Variants in AGPAT4 observed in about 807,000 individuals in gnomAD.
AGPAT4 encodes the protein 1-acylglycerol-3-phosphate O-acyltransferase 4.
Under a neutral mutation model 48.0 loss-of-function variants are expected in AGPAT4, and 15 were observed. The observed-to-expected ratio is 0.31, with a 90% CI of 0.21 to 0.48. AGPAT4 has a LOEUF of 0.48. Among genes scored for constraint, AGPAT4 ranks in the 20% least tolerant of loss-of-function variants. The probability of loss-of-function intolerance (pLI) is 0.99; values close to 1 mark genes in which losing one functional copy is unlikely to be tolerated. For missense variants in AGPAT4, 314 were observed against 482.5 expected (o/e 0.65, Z 3.27); for synonymous variants, 178 against 198.7 (o/e 0.90, Z 0.88).
In AGPAT4 at chr6:161,200,200, A is replaced by C. The variant is rs977003341; in HGVS notation, c.178+31836T>G. The stretch of plus-strand genomic sequence containing the variant: ...TTCAGCCCGGTCCCCATGAGAAAAA[A>C]TGTCAAATTGTACATCACTTCTATG... On this transcript the variant is annotated intron_variant, in intron 2 of 8. Coordinates refer to ENST00000320285, the MANE Select transcript of AGPAT4 (RefSeq NM_020133.3). The surrounding 1 kb of genome is among the most constrained non-coding windows in gnomAD (Gnocchi z 5.5). Among the ~76,000 whole-genome samples the C allele has an allele frequency of 3.3e-5, 5 of 152,244 alleles. No individual in the cohort carries two copies. The highest frequency in any genetic ancestry group is 1.2e-4 in the African/African-American group (5 of 41,468).
intron 2 of AGPAT4, among the ~76,000 whole-genome samples, chr6:161,194,913 T>G (rs1202419071): frequency 6.6e-6 from 1 of 152,184 alleles, no homozygotes; most frequent in Non-Finnish European, 1.5e-5. Flanking sequence ...ACTTAGCTTT[T>G]AAAGAGGAAC....
intron 5 of AGPAT4, among the ~76,000 whole-genome samples, chr6:161,151,007 G>C (rs1205127100): frequency 6.6e-6 from 1 of 152,192 alleles, no homozygotes; most frequent in Non-Finnish European, 1.5e-5. Context: ...GTTCCCCAAA[G>C]AGCCACCTAA....
At chr6:161,167,342 C>T (rs1434398303) in intron 2 of AGPAT4, among the ~76,000 whole-genome samples, 1 of 152,194 alleles carries the variant, frequency 6.6e-6, no homozygotes, top group African/African-American at 2.4e-5. Flanking sequence ...CCTCCTACCT[C>T]AGCCTCCTGA....
chr6:161,181,206 G>A (rs1421340096), intron 2 of AGPAT4, among the ~76,000 whole-genome samples: 12 of 152,172 alleles, frequency 7.9e-5, no homozygotes, highest in African/African-American at 2.9e-4. Flanking sequence ...CGCTGTGAAG[G>A]GGAACAGTAT....
chr6:161,138,491 G>A lies in AGPAT4; in HGVS notation c.1042+931C>T, dbSNP rs1280978622. 6.6e-6 allele frequency among the ~76,000 whole-genome samples: 1 copy of A among 152,152 alleles called. No homozygotes were observed. Among genetic ancestry groups the A allele is most frequent in the Non-Finnish European group, 1.5e-5 (1 of 68,028 alleles). ...ATAGATGCACATATGCTTGAGACTG[G>A]AACCACCACGTGCATCAAATTGTCA... On this transcript the variant is annotated intron_variant, in intron 8 of 8. Coordinates refer to ENST00000320285, the MANE Select transcript of AGPAT4 (RefSeq NM_020133.3). This position sits in a 1 kb window ranked among gnomAD's most constrained non-coding sequence, Gnocchi z 4.8.
rs535896188 is a variant in AGPAT4, at chr6:161,266,560, A to G, written c.-90+7378T>C. On this transcript the variant is annotated intron_variant, in intron 1 of 8. Coordinates refer to ENST00000320285, the MANE Select transcript of AGPAT4 (RefSeq NM_020133.3). The surrounding 1 kb of genome is among the most constrained non-coding windows in gnomAD (Gnocchi z 6.2). ...TCAGGAAAGCAGAGGCTGGAGGCAG[A>G]TGCTAGAAATGGACTCACAGGCATA... Among the ~76,000 whole-genome samples the G allele has an allele frequency of 6.6e-6, 1 of 152,292 alleles. No individual in the cohort carries two copies. Among genetic ancestry groups the G allele is most frequent in the East Asian group, 1.9e-4 (1 of 5,180 alleles).
rs775054180 is a variant in AGPAT4 at position 161,214,608 on chromosome 6, G to A, written c.178+17428C>T. ...TGGTGAAACCCCGTCTCTACTAAAA[G>A]ATACAAAAAAATTAGCTGGGCATGG... On this transcript the variant is annotated intron_variant, in intron 2 of 8. Transcript: ENST00000320285. The surrounding 1 kb of genome is among the most constrained non-coding windows in gnomAD (Gnocchi z 5.4). Among the ~76,000 whole-genome samples, 7 of 151,788 alleles carry A rather than the reference G, an allele frequency of 4.6e-5. No homozygotes were observed. Among genetic ancestry groups the A allele is most frequent in the Non-Finnish European group, 8.8e-5 (6 of 67,888 alleles).
intron 2 of AGPAT4, among the ~76,000 whole-genome samples, chr6:161,186,550 TTGA>T (rs1487234015): frequency 1.3e-5 from 2 of 152,086 alleles, no homozygotes; most frequent in African/African-American, 4.8e-5. Context: ...TCCTTACCTC[TTGA>T]TGACCTTCTA....
chr6:161,267,737 A>G lies in AGPAT4; in HGVS notation c.-90+6201T>C, dbSNP rs997366276. Among the ~76,000 whole-genome samples the G allele has an allele frequency of 1.3e-5, 2 of 152,056 alleles. No homozygotes were observed. Among genetic ancestry groups the G allele is most frequent in the African/African-American group, 4.8e-5 (2 of 41,394 alleles). On this transcript the variant is annotated intron_variant, in intron 1 of 8. Transcript: ENST00000320285. The surrounding 1 kb of genome is among the most constrained non-coding windows in gnomAD (Gnocchi z 5.2). The stretch of plus-strand genomic sequence containing the variant: ...AACTCTGTCTCAAAAAAAAAAAGAA[A>G]AGAAAAATATTAGCTGGGCATGTTA...
At chr6:161,182,859 G>A (rs1017525300) in intron 2 of AGPAT4, among the ~76,000 whole-genome samples, 18 of 152,342 alleles carry the variant, frequency 1.2e-4, no homozygotes, top group South Asian at 6.2e-4. Context: ...GCACATGGAC[G>A]CGGAGTGGAC....
At chr6:161,205,059 G>A (rs1034850544) in intron 2 of AGPAT4, among the ~76,000 whole-genome samples, 1 of 152,186 alleles carries the variant, frequency 6.6e-6, no homozygotes, top group African/African-American at 2.4e-5. Context: ...GTGTCGATCT[G>A]CAGGCACTCT....
rs1214881547 is a variant in AGPAT4, at chr6:161,201,047, C to G, written c.178+30989G>C. ...CATCATCTTGCTCTCTAGCCTGCCA[C>G]CACGATTACAGCTCAGCCGAGGAAG... On this transcript the variant is annotated intron_variant, in intron 2 of 8. Transcript: ENST00000320285. This position sits in a 1 kb window ranked among gnomAD's most constrained non-coding sequence, Gnocchi z 6.0. 6.6e-6 allele frequency among the ~76,000 whole-genome samples: 1 copy of G among 152,186 alleles called. No homozygotes were observed. Among genetic ancestry groups the G allele is most frequent in the Non-Finnish European group, 1.5e-5 (1 of 68,052 alleles).
Position 161,226,138 on chromosome 6 carries a change from G to A in AGPAT4, c.178+5898C>T, listed in dbSNP as rs1781975522. Among the ~76,000 whole-genome samples the A allele has an allele frequency of 6.6e-6, 1 of 152,166 alleles. No homozygotes were observed. Among genetic ancestry groups the A allele is most frequent in the African/African-American group, 2.4e-5 (1 of 41,424 alleles). The stretch of plus-strand genomic sequence containing the variant: ...AATTTGAGGCTGTGTCCTCCCAGCA[G>A]AGGTAGCCAGTAGGTCCTGCCCAAC... On this transcript the variant is annotated intron_variant, in intron 2 of 8. Transcript: ENST00000320285. The surrounding 1 kb of genome is among the most constrained non-coding windows in gnomAD (Gnocchi z 6.3).
rs887827198 is a variant in AGPAT4 at position 161,267,539 on chromosome 6, C to A, written c.-90+6399G>T. Among the ~76,000 whole-genome samples the A allele has an allele frequency of 1.3e-5, 2 of 152,020 alleles. No homozygotes were observed. The highest frequency in any genetic ancestry group is 2.1e-4 in the South Asian group (1 of 4,824). On this transcript the variant is annotated intron_variant, in intron 1 of 8. Transcript: ENST00000320285. This position sits in a 1 kb window ranked among gnomAD's most constrained non-coding sequence, Gnocchi z 5.2. ...GACCAGCCTGGCCAACATGGGGAAA[C>A]CCTGTCTCTACTAAAAATACACACG...
At chr6:161,179,743 T>C (rs1015063295) in intron 2 of AGPAT4, among the ~76,000 whole-genome samples, 1 of 152,220 alleles carries the variant, frequency 6.6e-6, no homozygotes, top group Non-Finnish European at 1.5e-5. Context: ...CTTCCACTTA[T>C]GAATAGTACA....
rs1779442764 is a variant in AGPAT4 at position 161,146,705 on chromosome 6, A to G, written c.768-106T>C. The G allele has an allele frequency of 1.0e-6, 1 of 988,264 alleles. No homozygotes were observed. Among genetic ancestry groups the G allele is most frequent in the Admixed American group, 2.0e-5 (1 of 50,160 alleles). 61.2% of individuals were successfully genotyped at this position (988,264 alleles called of 1,614,324 possible). A position where few individuals can be genotyped will look rare whatever the true frequency, so the allele number is the denominator to read the frequency against. On this transcript the variant is annotated intron_variant, in intron 6 of 8. Transcript: ENST00000320285. The surrounding 1 kb of genome is among the most constrained non-coding windows in gnomAD (Gnocchi z 7.1). ...TTTTGTTTTTATCTGGGTCACCTAA[A>G]TAATGTGGAACTGAAGAGAGTAATG...
rs1446733124 is a variant in AGPAT4 at position 161,216,700 on chromosome 6, G to A, written c.178+15336C>T. On this transcript the variant is annotated intron_variant, in intron 2 of 8. Coordinates refer to ENST00000320285, the MANE Select transcript of AGPAT4 (RefSeq NM_020133.3). This position sits in a 1 kb window ranked among gnomAD's most constrained non-coding sequence, Gnocchi z 4.8. ...GGAGTTCTCACAATCATGGTGGGAG[G>A]CGAAAGGCTCTTCTTAAGCAGCGAC... is the stretch of plus-strand genomic sequence containing the variant. Among the ~76,000 whole-genome samples, 1 of 152,196 alleles carries A rather than the reference G, an allele frequency of 6.6e-6. No homozygotes were observed. Among genetic ancestry groups the A allele is most frequent in the Non-Finnish European group, 1.5e-5 (1 of 68,046 alleles).
chr6:161,215,904 A>G lies in AGPAT4; in HGVS notation c.178+16132T>C, dbSNP rs1212482217. ...GAGTAGAGCAGACATAGTCAAGTTT[A>G]TCTATGCCGGCAAGCAAAACTCTTC... is the stretch of plus-strand genomic sequence containing the variant. On this transcript the variant is annotated intron_variant, in intron 2 of 8. Coordinates refer to ENST00000320285, the MANE Select transcript of AGPAT4 (RefSeq NM_020133.3). This position sits in a 1 kb window ranked among gnomAD's most constrained non-coding sequence, Gnocchi z 4.5. 6.6e-6 allele frequency among the ~76,000 whole-genome samples: 1 copy of G among 152,198 alleles called. No homozygotes were observed. Among genetic ancestry groups the G allele is most frequent in the Non-Finnish European group, 1.5e-5 (1 of 68,038 alleles).
chr6:161,183,987 T>A (rs894594464), intron 2 of AGPAT4, among the ~76,000 whole-genome samples: 1 of 151,848 alleles, frequency 6.6e-6, no homozygotes, highest in East Asian at 1.9e-4. Flanking sequence ...TTACTCTTGG[T>A]GAGACAGGAA....
Sources: allele counts gnomAD v4.1 joint callset (sites outside exome capture counted in the v4.1 genomes callset), GRCh38; gene constraint gnomAD v4.1.1; non-coding constraint Gnocchi (gnomAD v3.1); transcripts MANE v1.5; gene names NCBI Gene and HGNC (gene_info 2026-07-23, HGNC 2026-07-21).